ZNF697: variants seen among roughly 807,000 people sequenced by gnomAD.
The protein encoded by ZNF697 is zinc finger protein 697.
Under a neutral mutation model 32.4 loss-of-function variants are expected in ZNF697, and 23 were observed. That is an observed-to-expected ratio of 0.71 (90% CI 0.51 to 1.01). ZNF697 has a LOEUF of 1.01. Among genes scored for constraint, ZNF697 ranks in the 50% least tolerant of loss-of-function variants. The pLI is 0.00. For synonymous variants in ZNF697, 418 were observed against 337.2 expected (o/e 1.24, Z -2.62); for missense variants, 930 against 794.0 (o/e 1.17, Z -2.06).
In ZNF697 at chr1:119,623,545, G is replaced by C; in HGVS notation, c.798C>G (p.Cys266Trp). The C allele has an allele frequency of 1.3e-6, 2 of 1,538,736 alleles. No individual in the cohort carries two copies. Among genetic ancestry groups the C allele is most frequent in the Non-Finnish European group, 1.7e-6 (2 of 1,144,834 alleles). The change falls in exon 3 of 3, where the codon TGC becomes TGG. Residue 266 changes from cysteine (C) to tryptophan (W), a missense_variant. Transcript: ENST00000421812. ...PREKPFRCGECGKGFSRNTYL... is the reference protein window; with the variant it reads ...PREKPFRCGEWGKGFSRNTYL... ...AGGTGTTGCGGCTGAAGCCCTTGCCGCACTCCCCGCAGCGGAAGGGCTTTT... is the reference window on the plus strand; with the variant it reads ...AGGTGTTGCGGCTGAAGCCCTTGCCCCACTCCCCGCAGCGGAAGGGCTTTT...
intron 1 of ZNF697, among the ~76,000 whole-genome samples, chr1:119,644,158 A>T (rs2101097649): frequency 6.6e-6 from 1 of 152,326 alleles, no homozygotes; most frequent in South Asian, 2.1e-4. Context: ...AGATTAGGGG[A>T]GAGGCTGAGG....
rs587605157 is a variant in ZNF697, at chr1:119,633,444, G to A, written c.-37-7307C>T. 4.6e-5 allele frequency among the ~76,000 whole-genome samples: 7 copies of A among 151,876 alleles called. No homozygotes were observed. The East Asian group carries it at 5.8e-4, about 13-fold the overall frequency. On this transcript the variant is annotated intron_variant, in intron 1 of 2. Transcript: ENST00000421812. ...GATTTATCATAAAGAACTGGCTCAT[G>A]CCATTATGGGGTCTGGCAAGTCCAA... is the stretch of plus-strand genomic sequence containing the variant.
At chr1:119,647,209 CTG>C (rs1649234995) in intron 1 of ZNF697, among the ~76,000 whole-genome samples, 1 of 152,180 alleles carries the variant, frequency 6.6e-6, no homozygotes, top group South Asian at 2.1e-4. Context: ...CTCAGCGCCT[CTG>C]TGTCGCTGCT....
rs1648380300 is a variant in ZNF697 at position 119,622,742 on chromosome 1, G to C, written c.1601C>G (p.Thr534Arg). The C allele has an allele frequency of 6.4e-7, 1 of 1,568,576 alleles. No individual in the cohort carries two copies. The highest frequency in any genetic ancestry group is 1.9e-5 in the Admixed American group (1 of 53,022). ...AGCGKGFRYK[T>R]HLAQHQKLHL... ...CAGCTTCTGGTGCTGCGCGAGGTGC[G>C]TTTTATAGCGGAAGCCTTTGCCGCA... The change falls in exon 3 of 3, where the codon ACG becomes AGG. Residue 534 changes from threonine (T) to arginine (R), a missense_variant. Thr to Arg is a moderately conservative substitution (Grantham distance 71). Coordinates refer to ENST00000421812, the MANE Select transcript of ZNF697 (RefSeq NM_001080470.2).
rs963428764 is a variant in ZNF697, at chr1:119,641,388, T to TA, written c.-38+6302dup. Among the ~76,000 whole-genome samples the TA allele has an allele frequency of 2.2e-4, 34 of 151,368 alleles. 1 individual carries two copies. The highest frequency in any genetic ancestry group is 3.4e-4 in the Non-Finnish European group (23 of 67,812). ...GAAAAGATGGGGAAAGCTCATATAC[T>TA]AAAAAAAATAACAAGAAAAAGAGTC... On this transcript the variant is annotated intron_variant, in intron 1 of 2. Coordinates refer to ENST00000421812, the MANE Select transcript of ZNF697 (RefSeq NM_001080470.2).
chr1:119,632,928 T>C (rs752085082), intron 1 of ZNF697, among the ~76,000 whole-genome samples: 2 of 152,304 alleles, frequency 1.3e-5, no homozygotes, highest in East Asian at 1.9e-4. Flanking sequence ...GAAATCCTTC[T>C]GTTGATGGTT....
rs777114932 is a variant in ZNF697, at chr1:119,623,982, C to A, written c.361G>T (p.Asp121Tyr). The change falls in exon 3 of 3, where the codon GAC becomes TAC. Residue 121 changes from aspartate (D) to tyrosine (Y), a missense_variant. Physicochemically the swap from Asp to Tyr is radical, Grantham distance 160 (BLOSUM62 -3). Coordinates refer to ENST00000421812, the MANE Select transcript of ZNF697 (RefSeq NM_001080470.2). ...SISRSLREDD[D>Y]ESAGENRLEE... ...AGCCGGTTCTCCCCAGCACTCTCGT[C>A]GTCGTCCTCCCGGAGGCTCCGGGAT... 26 of 1,611,124 alleles carry A rather than the reference C, an allele frequency of 1.6e-5. No individual in the cohort carries two copies. Among genetic ancestry groups the A allele is most frequent in the Non-Finnish European group, 2.1e-5 (25 of 1,178,790 alleles).
chr1:119,640,227 G>T (rs1252589955), intron 1 of ZNF697, among the ~76,000 whole-genome samples: 1 of 152,050 alleles, frequency 6.6e-6, no homozygotes, highest in Non-Finnish European at 1.5e-5. Flanking sequence ...TCACACAATG[G>T]ACCTTCAAAT....
rs3795663 is a variant in ZNF697, at chr1:119,622,564, G to A, written c.*141C>T. The A allele has an allele frequency of 0.62, 872,431 of 1,401,332 alleles. 274,383 individuals are homozygous for A. Among genetic ancestry groups the A allele is most frequent in the African/African-American group, 0.83 (57,075 of 68,982 alleles). 86.8% of individuals were successfully genotyped at this position (1,401,332 alleles called of 1,614,324 possible). A position where few individuals can be genotyped will look rare whatever the true frequency, so the allele number is the denominator to read the frequency against. On this transcript the variant is annotated 3_prime_UTR_variant, in exon 3 of 3. Coordinates refer to ENST00000421812, the MANE Select transcript of ZNF697 (RefSeq NM_001080470.2). ...CTTACTCAACACTCCTCCCACTTCA[G>A]GAAACCCCAAACACCAAAGGCTCCC... is the stretch of plus-strand genomic sequence containing the variant.
At chr1:119,626,511 C>G (rs1291114833) in intron 1 of ZNF697, among the ~76,000 whole-genome samples, 1 of 152,198 alleles carries the variant, frequency 6.6e-6, no homozygotes, top group East Asian at 1.9e-4. Context: ...GCTACATAAA[C>G]TTATAAGCAG....
chr1:119,636,328 A>T (rs1458429291), intron 1 of ZNF697, among the ~76,000 whole-genome samples: 1 of 152,118 alleles, frequency 6.6e-6, no homozygotes, highest in African/African-American at 2.4e-5. Flanking sequence ...TTTTTCTTGG[A>T]CTCTGAAAGG....
rs1464295291 is a variant in ZNF697, at chr1:119,623,166, G to A, written c.1177C>T (p.Arg393Cys). Residue 393 changes from arginine (R) to cysteine (C), a missense_variant, in exon 3 of 3, where the codon CGC becomes TGC. By Grantham distance (180) the Arg-to-Cys change is radical. Coordinates refer to ENST00000421812, the MANE Select transcript of ZNF697 (RefSeq NM_001080470.2). The part of the protein sequence containing the change: ...CGECGKRFSW[R>C]SDLVKHQRVH... ...CGCTGGTGCTTCACCAAGTCCGAGC[G>A]CCAGCTGAAGCGCTTGCCGCACTCG... 2 of 1,561,562 alleles carry A rather than the reference G, an allele frequency of 1.3e-6. No homozygotes were observed. The highest frequency in any genetic ancestry group is 1.8e-5 in the Admixed American group (1 of 55,190).
intron 1 of ZNF697, among the ~76,000 whole-genome samples, chr1:119,647,107 G>C (rs976513028): frequency 2.0e-5 from 3 of 152,038 alleles, no homozygotes; most frequent in Non-Finnish European, 4.4e-5. Context: ...TGGGGGAGGC[G>C]GTTAGGAAAA....
chr1:119,641,626 T>C (rs886392728), intron 1 of ZNF697, among the ~76,000 whole-genome samples: 14 of 152,182 alleles, frequency 9.2e-5, no homozygotes, highest in African/African-American at 3.4e-4. Flanking sequence ...TCATCTTGAA[T>C]TGTAGTTCCC....
In ZNF697 at chr1:119,623,878, A is replaced by T. The variant is rs1376467917; in HGVS notation, c.465T>A (p.Gly155=). 1 of 1,540,926 alleles carries T rather than the reference A, an allele frequency of 6.5e-7. No homozygotes were observed. Residue 155 remains glycine, a synonymous_variant, in exon 3 of 3, where the codon GGT becomes GGA. Coordinates refer to ENST00000421812, the MANE Select transcript of ZNF697 (RefSeq NM_001080470.2). ...RHLSLGSRHR[G]DKPAHRRFHR... ...GGAAGCGGCGGTGGGCGGGCTTGTC[A>T]CCTCGGTGCCGACTCCCCAGGGAGA...
At position 119,623,992 on chromosome 1, in the gene ZNF697, C is replaced by T. The variant is rs1454655268; in HGVS notation, c.351G>A (p.Arg117=). The change falls in exon 3 of 3, where the codon CGG becomes CGA. Residue 117 remains arginine (R), a synonymous_variant. Coordinates refer to ENST00000421812, the MANE Select transcript of ZNF697 (RefSeq NM_001080470.2). ...SESDSISRSL[R]EDDDESAGEN... The stretch of plus-strand genomic sequence containing the variant: ...CCCCAGCACTCTCGTCGTCGTCCTC[C>T]CGGAGGCTCCGGGATATGCTGTCAG... The T allele has an allele frequency of 6.2e-7, 1 of 1,612,328 alleles. No homozygotes were observed. The highest frequency in any genetic ancestry group is 8.5e-7 in the Non-Finnish European group (1 of 1,179,300).
chr1:119,640,840 C>T (rs956942354), intron 1 of ZNF697, among the ~76,000 whole-genome samples: 6 of 152,184 alleles, frequency 3.9e-5, no homozygotes, highest in African/African-American at 1.4e-4. Context: ...GGGAGATTTG[C>T]ATTTAACATT....
chr1:119,641,446 T>C (rs72695150), intron 1 of ZNF697, among the ~76,000 whole-genome samples: 7,068 of 152,138 alleles, frequency 0.046, 251 homozygotes, highest in African/African-American at 0.09. Flanking sequence ...CAAAAAAATA[T>C]ATATGATAAA....
Position 119,623,577 on chromosome 1 carries a change from G to A in ZNF697, c.766C>T (p.Pro256Ser). Reference protein sequence around the residue: ...FGAGPPLARPPREKPFRCGEC... With the variant: ...FGAGPPLARPSREKPFRCGEC... ...CCGCAGCGGAAGGGCTTTTCGCGCG[G>A]GGGCCGGGCCAGCGGGGGCCCGGCC... is the stretch of plus-strand genomic sequence containing the variant. Residue 256 changes from proline to serine, a missense_variant, in exon 3 of 3, where the codon CCG becomes TCG. Pro to Ser is a moderately conservative substitution (Grantham distance 74). Transcript: ENST00000421812. The A allele has an allele frequency of 6.8e-7, 1 of 1,474,348 alleles. No individual in the cohort carries two copies. The highest frequency in any genetic ancestry group is 8.9e-7 in the Non-Finnish European group (1 of 1,119,958). 91.3% of individuals were successfully genotyped at this position (1,474,348 alleles called of 1,614,324 possible).
Sources: gnomAD v4.1 joint callset for allele counts (sites outside exome capture counted in the v4.1 genomes callset) on GRCh38, gnomAD v4.1.1 for gene constraint, MANE v1.5 for transcripts, NCBI Gene and HGNC (gene_info 2026-07-23, HGNC 2026-07-21) for gene names.